TRPM2: variants seen among roughly 807,000 people sequenced by gnomAD.
The protein encoded by TRPM2 is estrogen-responsive element-associated gene 1 protein.
Under a neutral mutation model 174.0 loss-of-function variants are expected in TRPM2, and 161 were observed. The observed-to-expected ratio is 0.93, with a 90% CI of 0.81 to 1.05. The LOEUF is 1.05. Ranked by LOEUF, TRPM2 falls within the 50% of genes least tolerant of loss-of-function variation. The pLI, the probability that TRPM2 is intolerant of heterozygous loss-of-function variation, is 0.00. For missense variants in TRPM2, 2,057 were observed against 2,038.0 expected (o/e 1.01, Z -0.18); for synonymous variants, 954 against 861.3 (o/e 1.11, Z -1.88).
chr21:44,392,923 T>G (rs2049228802), intron 11 of TRPM2, among the ~76,000 whole-genome samples: 1 of 152,194 alleles, frequency 6.6e-6, no homozygotes, highest in Non-Finnish European at 1.5e-5. Context: ...TGCTGTAGTC[T>G]GCACCCTGTG....
At chr21:44,407,450 G>GTTTT (rs71197896) in intron 19 of TRPM2, among the ~76,000 whole-genome samples, 7 of 85,846 alleles carry the variant, frequency 8.2e-5, no homozygotes, top group South Asian at 5.6e-4. Flanking sequence ...CATATAGAAG[G>GTTTT]TTTTTTTTTT....
At chr21:44,425,363 C>A in intron 24 of TRPM2, 1 of 407,776 alleles carries the variant, frequency 2.5e-6, no homozygotes, top group Non-Finnish European at 4.4e-6. Flanking sequence ...CTGAGTTTCG[C>A]CGGCCCTCAA....
intron 16 of TRPM2, among the ~76,000 whole-genome samples, chr21:44,404,058 T>C (rs139472669): frequency 8.6e-4 from 130 of 151,854 alleles, no homozygotes; most frequent in African/African-American, 3.0e-3. Flanking sequence ...CACATATACA[T>C]ACATATGCAC....
rs758289490 is a variant in TRPM2 at position 44,399,276 on chromosome 21, G to A, written c.2063-20G>A. The A allele has an allele frequency of 1.2e-6, 2 of 1,605,322 alleles. No homozygotes were observed. The highest frequency in any genetic ancestry group is 4.5e-5 in the East Asian group (2 of 44,700). On this transcript the variant is annotated intron_variant, in intron 13 of 31. Transcript: ENST00000397928. This position sits in a 1 kb window ranked among gnomAD's most constrained non-coding sequence, Gnocchi z 4.6. ...GATTGTGACCTGCTGCTCTGACGGG[G>A]CTCTCATATCTCCGCCCAGGGGTCT... is the stretch of plus-strand genomic sequence containing the variant.
At chr21:44,414,217 A>G in intron 20 of TRPM2, 143 bp downstream of exon 20, 1 of 1,102,884 alleles carries the variant, frequency 9.1e-7, no homozygotes. Flanking sequence ...ATCCTGGTGG[A>G]GTGTGCACAG....
At chr21:44,424,730 G>T in intron 23 of TRPM2, 122 bp from the exon 24 acceptor site, 1 of 599,160 alleles carries the variant, frequency 1.7e-6, no homozygotes, top group Non-Finnish European at 2.8e-6. Context: ...TTCAAAGGGC[G>T]CAGGGGCTGA....
chr21:44,418,175 A>G, intron 21 of TRPM2, 67 bp downstream of exon 21: 1 of 1,549,706 alleles, frequency 6.5e-7, no homozygotes, highest in South Asian at 1.2e-5. Context: ...TGGAGATGGC[A>G]TGGCAGCTCT....
intron 30 of TRPM2, among the ~76,000 whole-genome samples, chr21:44,440,392 C>T (rs1248520045): frequency 1.3e-5 from 2 of 151,422 alleles, no homozygotes; most frequent in African/African-American, 4.9e-5. Flanking sequence ...CTATCCGGTT[C>T]CAGAACGTTC....
chr21:44,410,836 C>A (rs530661901), intron 19 of TRPM2, among the ~76,000 whole-genome samples: 1 of 109,432 alleles, frequency 9.1e-6, no homozygotes, highest in East Asian at 3.1e-4. Flanking sequence ...TGAGCGTAGC[C>A]TTGTAGTAAG....
chr21:44,387,864 T>C (rs990619677), intron 9 of TRPM2, among the ~76,000 whole-genome samples: 12 of 152,192 alleles, frequency 7.9e-5, no homozygotes, highest in African/African-American at 2.4e-4. Context: ...CACATTAGGA[T>C]AGCTACTATA....
In TRPM2 at chr21:44,441,984, C is replaced by G; in HGVS notation, c.*167C>G. ...GCTGCCGCAAGTCTGCTGCAGATGA[C>G]CTCATGAACTGGAAGGGGTCAAGGT... On this transcript the variant is annotated 3_prime_UTR_variant, in exon 32 of 32. Coordinates refer to ENST00000397928, the MANE Select transcript of TRPM2 (RefSeq NM_003307.4). 1 of 1,045,064 alleles carries G rather than the reference C, an allele frequency of 9.6e-7. No homozygotes were observed. The highest frequency in any genetic ancestry group is 1.6e-5 in the African/African-American group (1 of 61,480). 64.7% of individuals were successfully genotyped at this position (1,045,064 alleles called of 1,614,324 possible).
chr21:44,379,217 C>A lies in TRPM2; in HGVS notation c.1215+20C>A, dbSNP rs369833618. 4.6e-4 allele frequency: 739 copies of A among 1,608,116 alleles called. 3 individuals are homozygous for A. Among genetic ancestry groups the A allele is most frequent in the Non-Finnish European group, 5.9e-4 (697 of 1,178,590 alleles). On this transcript the variant is annotated intron_variant, in intron 8 of 31. Coordinates refer to ENST00000397928, the MANE Select transcript of TRPM2 (RefSeq NM_003307.4). ...AAAAAGGTGAGGCTGACGGGCACGA[C>A]GGTCACCAGCATGTGGCTGCTTTGC...
In TRPM2 at chr21:44,399,364, G is replaced by T. The variant is rs1490501495; in HGVS notation, c.2131G>T (p.Ala711Ser). ...GAAACTGCTCACCCGCGTGTCCGAGGCCTGGGGGAAGACCACCTGCCTGCA... is the reference window on the plus strand; with the variant it reads ...GAAACTGCTCACCCGCGTGTCCGAGTCCTGGGGGAAGACCACCTGCCTGCA... ...AQKLLTRVSE[A>S]WGKTTCLQLA... is the part of the protein sequence containing the mutation. The change falls in exon 14 of 32, where the codon GCC becomes TCC. Residue 711 changes from alanine to serine, a missense_variant. By Grantham distance (99) the Ala-to-Ser change is moderately conservative. Coordinates refer to ENST00000397928, the MANE Select transcript of TRPM2 (RefSeq NM_003307.4). The surrounding 1 kb of genome is among the most constrained non-coding windows in gnomAD (Gnocchi z 4.6). The T allele has an allele frequency of 1.2e-6, 2 of 1,612,844 alleles. No individual in the cohort carries two copies. The highest frequency in any genetic ancestry group is 1.7e-6 in the Non-Finnish European group (2 of 1,179,920).
rs1244804779 is a variant in TRPM2, at chr21:44,402,033, C to A, written c.2538+136C>A. The A allele has an allele frequency of 2.9e-6, 3 of 1,033,590 alleles. No homozygotes were observed. The African/African-American group carries it at 4.7e-5, about 16-fold the overall frequency. The allele number at this position is 1,033,590 out of a possible 1,614,324, so 64.0% of individuals were successfully genotyped here. A position where few individuals can be genotyped will look rare whatever the true frequency, so the allele number is the denominator to read the frequency against. ...TGCAAGCTGAGCAGAGCCGGTGTTT[C>A]CTCCCCAAAATGGGTGGCTGGGGCG... is the stretch of plus-strand genomic sequence containing the variant. On this transcript the variant is annotated intron_variant, in intron 16 of 31. Transcript: ENST00000397928.
chr21:44,403,035 C>T (rs2049681438), intron 16 of TRPM2, among the ~76,000 whole-genome samples: 1 of 152,154 alleles, frequency 6.6e-6, no homozygotes. Flanking sequence ...CTTGGCGGGG[C>T]CTGGGAGCTG....
At position 44,418,028 on chromosome 21, in the gene TRPM2, C is replaced by G. The variant is rs748381275; in HGVS notation, c.3248C>G (p.Pro1083Arg). The change falls in exon 21 of 32, where the codon CCC becomes CGC. Residue 1083 changes from proline (P) to arginine (R), a missense_variant. Coordinates refer to ENST00000397928, the MANE Select transcript of TRPM2 (RefSeq NM_003307.4). ...EYHGRPAAPP[P>R]FILLSHLQLF... ...CACGGCCGCCCCGCCGCGCCGCCCC[C>G]CTTCATCCTCCTCAGCCACCTGCAG... is the stretch of plus-strand genomic sequence containing the variant. 5.0e-6 allele frequency: 8 copies of G among 1,613,228 alleles called. No individual in the cohort carries two copies. Among genetic ancestry groups the G allele is most frequent in the East Asian group, 2.2e-5 (1 of 44,874 alleles).
chr21:44,364,162 G>C lies in TRPM2; in HGVS notation c.303G>C (p.Glu101Asp). The C allele has an allele frequency of 6.2e-7, 1 of 1,614,200 alleles. No homozygotes were observed. The highest frequency in any genetic ancestry group is 1.1e-5 in the South Asian group (1 of 91,088). ...ACACGCATGAGCAGCACTTGGAGGAGGCTACCAAGCCCCACACCTTCCAGG... is the reference window on the plus strand; with the variant it reads ...ACACGCATGAGCAGCACTTGGAGGACGCTACCAAGCCCCACACCTTCCAGG... ...CGYTHEQHLEEATKPHTFQGT... is the reference protein window; with the variant it reads ...CGYTHEQHLEDATKPHTFQGT... Residue 101 changes from glutamate (E) to aspartate (D), a missense_variant, in exon 3 of 32, where the codon GAG (glutamate) becomes GAC (aspartate). Transcript: ENST00000397928.
At chr21:44,385,926 T>G (rs909236496) in intron 9 of TRPM2, among the ~76,000 whole-genome samples, 1 of 152,184 alleles carries the variant, frequency 6.6e-6, no homozygotes, top group African/African-American at 2.4e-5. Context: ...GTCTCTCCCT[T>G]GACACATGGG....
At chr21:44,405,382 T>C (rs986385792) in intron 17 of TRPM2, 122 bp downstream of exon 17, 99 of 1,445,462 alleles carry the variant, frequency 6.8e-5, no homozygotes, top group Non-Finnish European at 5.9e-5. Flanking sequence ...GAACCCTGGA[T>C]TGTCATCTGT....
Sources: allele counts gnomAD v4.1 joint callset (sites outside exome capture counted in the v4.1 genomes callset), GRCh38; gene constraint gnomAD v4.1.1; non-coding constraint Gnocchi (gnomAD v3.1); transcripts MANE v1.5; gene names NCBI Gene and HGNC (gene_info 2026-07-23, HGNC 2026-07-21).